Variants in CDH4 observed in about 807,000 individuals in gnomAD.
The protein encoded by CDH4 is cadherin-4.
CDH4 carries 33 observed loss-of-function variants against 86.0 expected under a neutral mutation model. The observed-to-expected ratio is 0.38, with a 90% CI of 0.29 to 0.51. The LOEUF is 0.51. Among genes scored for constraint, CDH4 ranks in the 20% least tolerant of loss-of-function variants. The pLI, the probability that CDH4 is intolerant of heterozygous loss-of-function variation, is 0.86. For missense variants in CDH4, 1,114 were observed against 1,307.4 expected (o/e 0.85, Z 2.28); for synonymous variants, 555 against 549.4 (o/e 1.01, Z -0.14).
rs773504490 is a variant in CDH4, at chr20:61,773,119, G to C, written c.513G>C (p.Trp171Cys). The change falls in exon 4 of 16, where the codon TGG (tryptophan) becomes TGC (cysteine). Residue 171 changes from tryptophan (W) to cysteine (C), a missense_variant. Coordinates refer to ENST00000614565, the MANE Select transcript of CDH4 (RefSeq NM_001794.5). Reference sequence around the variant, plus strand: ...GGCTGAGGCGGCGCAAACGGGACTGGGTCATCCCGCCCATCAACGTGCCCG... The same window carrying C: ...GGCTGAGGCGGCGCAAACGGGACTGCGTCATCCCGCCCATCAACGTGCCCG... ...ANGLRRRKRD[W>C]VIPPINVPEN... is the part of the protein sequence containing the mutation. The C allele has an allele frequency of 6.2e-7, 1 of 1,610,074 alleles. No homozygotes were observed. The highest frequency in any genetic ancestry group is 8.5e-7 in the Non-Finnish European group (1 of 1,178,532).
At chr20:61,625,579 C>T (rs943157343) in intron 2 of CDH4, among the ~76,000 whole-genome samples, 2 of 152,144 alleles carry the variant, frequency 1.3e-5, no homozygotes, top group Non-Finnish European at 2.9e-5. Flanking sequence ...AAACAAATCT[C>T]AAAGCAGCGA....
intron 6 of CDH4, among the ~76,000 whole-genome samples, chr20:61,855,896 G>A (rs566444211): frequency 6.6e-6 from 1 of 152,304 alleles, no homozygotes; most frequent in African/African-American, 2.4e-5. Context: ...AGAGCCCCTG[G>A]GGGATCGGGA....
chr20:61,758,602 A>G (rs1218822306), intron 3 of CDH4, among the ~76,000 whole-genome samples: 1 of 152,172 alleles, frequency 6.6e-6, no homozygotes, highest in African/African-American at 2.4e-5. Flanking sequence ...AAGGACCACG[A>G]GGTCCGTGAA....
intron 8 of CDH4, among the ~76,000 whole-genome samples, chr20:61,907,588 G>A (rs1473453122): frequency 1.3e-5 from 2 of 152,294 alleles, no homozygotes; most frequent in East Asian, 1.9e-4. Context: ...CCACGGCGGC[G>A]CCAGCTCCTT....
chr20:61,369,309 G>A (rs1041807674), intron 2 of CDH4, among the ~76,000 whole-genome samples: 5 of 151,890 alleles, frequency 3.3e-5, no homozygotes, highest in Non-Finnish European at 7.4e-5. Flanking sequence ...AAATTAGCCA[G>A]GTGTGGTGGC....
intron 4 of CDH4, among the ~76,000 whole-genome samples, chr20:61,830,339 A>G (rs969741252): frequency 1.3e-5 from 2 of 152,106 alleles, no homozygotes; most frequent in African/African-American, 4.8e-5. Flanking sequence ...TGCCTCAGAG[A>G]CAGCAGGCCC....
chr20:61,345,693 C>T (rs2084675234), intron 2 of CDH4, among the ~76,000 whole-genome samples: 1 of 152,176 alleles, frequency 6.6e-6, no homozygotes, highest in Non-Finnish European at 1.5e-5. Context: ...AGTTTGTGGT[C>T]ACCCCTGCAC....
At chr20:61,568,026 T>C (rs1291473931) in intron 2 of CDH4, among the ~76,000 whole-genome samples, 1 of 152,140 alleles carries the variant, frequency 6.6e-6, no homozygotes, top group Non-Finnish European at 1.5e-5. Context: ...ATAGAGGAGA[T>C]CAAAATAACA....
chr20:61,834,916 CCAGA>C (rs1207171322), intron 4 of CDH4, among the ~76,000 whole-genome samples: 1 of 152,230 alleles, frequency 6.6e-6, no homozygotes, highest in East Asian at 1.9e-4. Context: ...CACATCTGCC[CCAGA>C]CAGTTTTCAG....
intron 6 of CDH4, among the ~76,000 whole-genome samples, chr20:61,858,943 G>A (rs1983194414): frequency 6.6e-6 from 1 of 152,152 alleles, no homozygotes; most frequent in Admixed American, 6.5e-5. Flanking sequence ...TGCAATTGTG[G>A]GGTCATCTCG....
chr20:61,553,540 T>C (rs777471782), intron 2 of CDH4, among the ~76,000 whole-genome samples: 44 of 152,380 alleles, frequency 2.9e-4, no homozygotes, highest in East Asian at 1.9e-4. Flanking sequence ...ATGTCCTTGA[T>C]GAGCATGTGT....
Position 61,728,841 on chromosome 20 carries a change from G to A in CDH4, c.170-14722G>A, listed in dbSNP as rs148193064. The stretch of plus-strand genomic sequence containing the variant: ...AAAATAACTCGCACTTCTCCACACC[G>A]TTAAATGGACTCTCACAGCCTTGAA... On this transcript the variant is annotated intron_variant, in intron 2 of 15. Transcript: ENST00000614565. 9.8e-3 allele frequency among the ~76,000 whole-genome samples: 1,489 copies of A among 152,266 alleles called. 40 individuals are homozygous for A. In the South Asian group the frequency reaches 0.11, roughly 11 times the overall value.
intron 2 of CDH4, among the ~76,000 whole-genome samples, chr20:61,448,131 GT>G (rs2085362115): frequency 6.6e-6 from 1 of 152,206 alleles, no homozygotes; most frequent in Non-Finnish European, 1.5e-5. Context: ...TTGCTGGTTT[GT>G]TTCAGCCCAG....
Position 61,402,640 on chromosome 20 carries a change from C to G in CDH4, c.169+147703C>G, listed in dbSNP as rs563731647. Among the ~76,000 whole-genome samples the G allele has an allele frequency of 1.3e-3, 197 of 152,292 alleles. 1 individual carries two copies. The highest frequency in any genetic ancestry group is 2.4e-3 in the Admixed American group (36 of 15,294). ...TCTTGACCTCAGGTGATCTGCCCAC[C>G]TCAGCCTCCCAAAGGGCTGGGATTA... On this transcript the variant is annotated intron_variant, in intron 2 of 15. Transcript: ENST00000614565.
intron 2 of CDH4, among the ~76,000 whole-genome samples, chr20:61,314,818 C>A (rs1257389080): frequency 6.6e-6 from 1 of 152,156 alleles, no homozygotes; most frequent in Non-Finnish European, 1.5e-5. Context: ...TGACAGTAGC[C>A]GTCCTAACAA....
Position 61,304,414 on chromosome 20 carries a change from A to T in CDH4, c.169+49477A>T, listed in dbSNP as rs533152563. Among the ~76,000 whole-genome samples, 14 of 152,194 alleles carry T rather than the reference A, an allele frequency of 9.2e-5. No individual in the cohort carries two copies. The South Asian group carries it at 2.9e-3, about 32-fold the overall frequency. On this transcript the variant is annotated intron_variant, in intron 2 of 15. Transcript: ENST00000614565. ...ATTTCATATTACATTGTATTGCTTC[A>T]TAATGGTCTGCGTGGTTGGCTTCTC...
At chr20:61,909,300 T>G (rs976965458) in intron 8 of CDH4, among the ~76,000 whole-genome samples, 3 of 152,162 alleles carry the variant, frequency 2.0e-5, no homozygotes, top group Non-Finnish European at 4.4e-5. Flanking sequence ...CCATCTCAGC[T>G]GCACGCAGCA....
chr20:61,420,420 G>T (rs1240252720), intron 2 of CDH4, among the ~76,000 whole-genome samples: 1 of 152,228 alleles, frequency 6.6e-6, no homozygotes, highest in African/African-American at 2.4e-5. Flanking sequence ...AGGCTTCCAA[G>T]TGCAGTGCTC....
rs889459341 is a variant in CDH4, at chr20:61,494,278, C to T, written c.169+239341C>T. 2.0e-5 allele frequency among the ~76,000 whole-genome samples: 3 copies of T among 152,194 alleles called. 1 individual carries two copies. The highest frequency in any genetic ancestry group is 4.4e-5 in the Non-Finnish European group (3 of 68,034). ...TTTCTCTAAACTCAATAAGGAGACC[C>T]CCACCTCTGCTCGTGCATACTGTGC... On this transcript the variant is annotated intron_variant, in intron 2 of 15. Transcript: ENST00000614565.
Sources: allele counts gnomAD v4.1 joint callset (sites outside exome capture counted in the v4.1 genomes callset), GRCh38; gene constraint gnomAD v4.1.1; transcripts MANE v1.5; gene names NCBI Gene and HGNC (gene_info 2026-07-23, HGNC 2026-07-21).